KIAA1217: variants seen among roughly 807,000 people sequenced by gnomAD.
KIAA1217 encodes KIAA1217.
KIAA1217 carries 88 observed loss-of-function variants against 163.9 expected under a neutral mutation model. That is an observed-to-expected ratio of 0.54 (90% confidence interval 0.45 to 0.64). The LOEUF (loss-of-function observed/expected upper bound fraction) is 0.64. KIAA1217 is among the 30% of genes least tolerant of loss of function. The probability of loss-of-function intolerance (pLI) is 0.00; values close to 1 mark genes in which losing one functional copy is unlikely to be tolerated. For synonymous variants in KIAA1217, 903 were observed against 923.1 expected (o/e 0.98, Z 0.39); for missense variants, 2,372 against 2,475.0 (o/e 0.96, Z 0.88).
intron 9 of KIAA1217, among the ~76,000 whole-genome samples, chr10:24,506,167 G>T (rs945923972): frequency 2.6e-5 from 4 of 152,190 alleles, no homozygotes; most frequent in African/African-American, 9.7e-5. Flanking sequence ...GGCATCCCTT[G>T]TCTTGTTCCC....
At chr10:24,062,987 G>T (rs1418580714) in intron 2 of KIAA1217, among the ~76,000 whole-genome samples, 1 of 148,790 alleles carries the variant, frequency 6.7e-6, no homozygotes, top group South Asian at 2.2e-4. Context: ...CGATGGGGTT[G>T]TTTTTTTTTT....
In KIAA1217 at chr10:24,108,358, G is replaced by T. The variant is rs149767196; in HGVS notation, c.-171+100984G>T. Among the ~76,000 whole-genome samples the T allele has an allele frequency of 5.6e-3, 850 of 152,298 alleles. 9 individuals carry two copies. The highest frequency in any genetic ancestry group is 0.019 in the African/African-American group (786 of 41,568). On this transcript the variant is annotated intron_variant, in intron 2 of 18. Coordinates refer to the KIAA1217 transcript ENST00000376462. ...AATTCAATGATTGGGGGTTTCTTAAGATTGAAAAGACTTTTGAGGTTGTAT... is the reference window on the plus strand; with the variant it reads ...AATTCAATGATTGGGGGTTTCTTAATATTGAAAAGACTTTTGAGGTTGTAT...
chr10:24,208,590 T>C (rs984361317), upstream of KIAA1217, among the ~76,000 whole-genome samples: 2 of 128,964 alleles, frequency 1.6e-5, no homozygotes, highest in Non-Finnish European at 3.2e-5. Context: ...GCATATACTC[T>C]TTCTTTCAAA....
intron 2 of KIAA1217, among the ~76,000 whole-genome samples, chr10:24,374,840 G>A (rs1329754209): frequency 6.6e-6 from 1 of 152,126 alleles, no homozygotes; most frequent in African/African-American, 2.4e-5. Context: ...AGGCTGATGT[G>A]CAGTGGTGTC....
intron 10 of KIAA1217, among the ~76,000 whole-genome samples, chr10:24,517,854 G>C (rs983829200): frequency 6.6e-6 from 1 of 152,132 alleles, no homozygotes; most frequent in African/African-American, 2.4e-5. Flanking sequence ...AATTAGCTGG[G>C]CATGGTGGCG....
In KIAA1217 at chr10:24,435,328, C is replaced by T. The variant is rs576794605; in HGVS notation, c.752+2135C>T. Among the ~76,000 whole-genome samples, 25 of 152,292 alleles carry T rather than the reference C, an allele frequency of 1.6e-4. 1 individual carries two copies. The South Asian group carries it at 5.2e-3, about 32-fold the overall frequency. ...AGCTGTCACCAAAAGAAATTTTTTGCATTCACAAAGCGTAAACTTGAAACA... is the reference window on the plus strand; with the variant it reads ...AGCTGTCACCAAAAGAAATTTTTTGTATTCACAAAGCGTAAACTTGAAACA... On this transcript the variant is annotated intron_variant, in intron 4 of 20. Transcript: ENST00000376454.
At chr10:24,206,723 G>A (rs2067572268), upstream of KIAA1217, among the ~76,000 whole-genome samples, 1 of 152,178 alleles carries the variant, frequency 6.6e-6, no homozygotes, top group African/African-American at 2.4e-5. Flanking sequence ...AATGATTCAT[G>A]TTAATTCTCT....
intron 1 of KIAA1217, among the ~76,000 whole-genome samples, chr10:23,739,805 C>T (rs1004215232): frequency 4.6e-5 from 7 of 152,196 alleles, no homozygotes; most frequent in Admixed American, 4.6e-4. Flanking sequence ...TCCAGTGAGA[C>T]ATGCTGGCAA....
At chr10:23,759,258 TTGTA>T (rs1354836941) in intron 1 of KIAA1217, among the ~76,000 whole-genome samples, 1 of 152,228 alleles carries the variant, frequency 6.6e-6, no homozygotes, top group Non-Finnish European at 1.5e-5. Context: ...TTTTGTGACT[TTGTA>T]TGCTGCTACT....
chr10:24,193,863 G>C (rs2066850509), intron 2 of KIAA1217, among the ~76,000 whole-genome samples: 1 of 149,776 alleles, frequency 6.7e-6, no homozygotes, highest in Non-Finnish European at 1.5e-5. Context: ...TCACGTGCAT[G>C]TTCATGTACT....
At chr10:23,781,075 G>A (rs369174407) in intron 1 of KIAA1217, among the ~76,000 whole-genome samples, 2 of 152,164 alleles carry the variant, frequency 1.3e-5, no homozygotes, top group African/African-American at 4.8e-5. Flanking sequence ...ACATGGGAGT[G>A]CAGATATCTT....
At chr10:24,118,578 A>C (rs1236103042) in intron 2 of KIAA1217, among the ~76,000 whole-genome samples, 2 of 152,198 alleles carry the variant, frequency 1.3e-5, no homozygotes, top group Non-Finnish European at 2.9e-5. Flanking sequence ...GGGCTGAGTG[A>C]AGAGAAATGT....
intron 1 of KIAA1217, among the ~76,000 whole-genome samples, chr10:23,790,493 A>G (rs1442686462): frequency 3.9e-5 from 4 of 102,486 alleles, no homozygotes; most frequent in East Asian, 2.3e-4. Flanking sequence ...ATATACATAT[A>G]TACATGTGCA....
chr10:24,450,856 G>A (rs1047697427), intron 5 of KIAA1217, among the ~76,000 whole-genome samples: 7 of 152,204 alleles, frequency 4.6e-5, no homozygotes, highest in African/African-American at 1.4e-4. Flanking sequence ...GTCCTGGACA[G>A]CACAGCCTCA....
At chr10:23,978,180 C>T (rs1348543497) in intron 1 of KIAA1217, among the ~76,000 whole-genome samples, 1 of 152,146 alleles carries the variant, frequency 6.6e-6, no homozygotes, top group Non-Finnish European at 1.5e-5. Context: ...TGGTTACTTC[C>T]TCAGTCGGAG....
At chr10:24,313,129 TTCTC>T (rs1275060536) in intron 2 of KIAA1217, among the ~76,000 whole-genome samples, 1 of 152,198 alleles carries the variant, frequency 6.6e-6, no homozygotes, top group African/African-American at 2.4e-5. Context: ...GATGGTATCC[TTCTC>T]TCTCCTCACC....
chr10:23,934,983 C>T (rs117300706), intron 1 of KIAA1217, among the ~76,000 whole-genome samples: 3,163 of 152,114 alleles, frequency 0.021, 60 homozygotes, highest in Admixed American at 0.063. Context: ...ATTCATCTAG[C>T]CTCCATGGAT....
chr10:23,806,233 G>A (rs7898434), intron 1 of KIAA1217, among the ~76,000 whole-genome samples: 54,997 of 151,854 alleles, frequency 0.36, 13,234 homozygotes, highest in African/African-American at 0.69. Context: ...ATGTTCCGCC[G>A]TTGCTGAGTT....
intron 1 of KIAA1217, among the ~76,000 whole-genome samples, chr10:23,950,206 T>C (rs1844265502): frequency 6.6e-6 from 1 of 152,202 alleles, no homozygotes; most frequent in African/African-American, 2.4e-5. Flanking sequence ...CCTCTGCCTA[T>C]AAAGTTTGGG....
Sources: gnomAD v4.1 joint callset for allele counts (sites outside exome capture counted in the v4.1 genomes callset) on GRCh38, gnomAD v4.1.1 for gene constraint, MANE v1.5 for transcripts, NCBI Gene and HGNC (gene_info 2026-07-23, HGNC 2026-07-21) for gene names.